Variants in UNC13A observed in about 807,000 individuals in gnomAD.
The protein encoded by UNC13A is unc-13 homolog A, also known as protein unc-13 homolog A.
Under a neutral mutation model 219.7 loss-of-function variants are expected in UNC13A, and 61 were observed. That is an observed-to-expected ratio of 0.28 (90% CI 0.23 to 0.34). UNC13A has a LOEUF of 0.34. Ranked by LOEUF, UNC13A falls within the 10% of genes least tolerant of loss-of-function variation. The pLI is 1.00. For missense variants in UNC13A, 1,476 were observed against 2,270.3 expected (o/e 0.65, Z 7.11); for synonymous variants, 920 against 884.6 (o/e 1.04, Z -0.71).
chr19:17,616,995 GAGAA>G (rs1173907426), intron 41 of UNC13A, among the ~76,000 whole-genome samples: 2 of 152,276 alleles, frequency 1.3e-5, no homozygotes, highest in South Asian at 2.1e-4. Flanking sequence ...AAAATACAGA[GAGAA>G]AGAGAGAGTT....
rs1265907043 is a variant in UNC13A at position 17,677,357 on chromosome 19, CTTTTTTTTTTTCT to C, written c.23-1329_23-1317del. Among the ~76,000 whole-genome samples, 477 of 66,994 alleles carry C rather than the reference CTTTTTTTTTTTCT, an allele frequency of 7.1e-3. 2 individuals carry two copies. The highest frequency in any genetic ancestry group is 0.055 in the African/African-American group (463 of 8,364). The allele number at this position is 66,994 out of a possible 152,430, so 44.0% of individuals were successfully genotyped here. ...TCCCTCCCTTTCCTTTCTTTCTTTT[CTTTTTTTTTTTCT>C]TTTTTTTTTTAGGGACGGAGTCTTG... On this transcript the variant is annotated intron_variant, in intron 1 of 43. Transcript: ENST00000519716.
intron 1 of UNC13A, among the ~76,000 whole-genome samples, chr19:17,685,781 A>T (rs2145939420): frequency 6.6e-6 from 1 of 152,270 alleles, no homozygotes; most frequent in South Asian, 2.1e-4. Flanking sequence ...TCTGGGTATG[A>T]ATGTGTGTAG....
intron 39 of UNC13A, 45 bp downstream of exon 39, chr19:17,618,860 GT>G (rs1447262381): frequency 6.3e-6 from 10 of 1,586,958 alleles, no homozygotes; most frequent in Non-Finnish European, 7.7e-6. Flanking sequence ...AGCCACATGA[GT>G]TTGGGGGGCA....
intron 7 of UNC13A, among the ~76,000 whole-genome samples, chr19:17,663,788 TTTTTC>T (rs146038446): frequency 0.026 from 3,959 of 152,128 alleles, 241 homozygotes; most frequent in East Asian, 0.24. Context: ...TTTGTTTATT[TTTTTC>T]TTTTCTTTAA....
chr19:17,665,314 G>T (rs2079621401), intron 7 of UNC13A, among the ~76,000 whole-genome samples: 1 of 152,144 alleles, frequency 6.6e-6, no homozygotes, highest in Non-Finnish European at 1.5e-5. Flanking sequence ...GAGGCTATAT[G>T]ATTTGCTACT....
chr19:17,617,419 C>G (rs2076678057), intron 41 of UNC13A, among the ~76,000 whole-genome samples: 1 of 152,156 alleles, frequency 6.6e-6, no homozygotes, highest in South Asian at 2.1e-4. Context: ...CTACCCTGGT[C>G]CTTGATGTCA....
At chr19:17,663,042 G>A (rs1048757782) in intron 8 of UNC13A, among the ~76,000 whole-genome samples, 19 of 152,058 alleles carry the variant, frequency 1.2e-4, no homozygotes, top group African/African-American at 4.6e-4. Flanking sequence ...TGGACCTGGG[G>A]GGTGCTGAGG....
At chr19:17,641,164 G>A (rs1285134086) in intron 21 of UNC13A, among the ~76,000 whole-genome samples, 3 of 152,118 alleles carry the variant, frequency 2.0e-5, no homozygotes, top group African/African-American at 7.2e-5. Context: ...ACAGGCTTGA[G>A]CCACTGTGCC....
chr19:17,624,793 G>T, intron 35 of UNC13A, 36 bp downstream of exon 35: 1 of 1,593,402 alleles, frequency 6.3e-7, no homozygotes, highest in Non-Finnish European at 8.6e-7. Context: ...CAGGGAGGTG[G>T]CCTAAATGTC....
chr19:17,659,629 C>A (rs1023491638), intron 8 of UNC13A, among the ~76,000 whole-genome samples: 1 of 151,686 alleles, frequency 6.6e-6, no homozygotes. Context: ...ATTAGCTGGG[C>A]GTGGTGGTGG....
chr19:17,660,563 G>A (rs866609679), intron 8 of UNC13A, among the ~76,000 whole-genome samples: 87 of 141,804 alleles, frequency 6.1e-4, no homozygotes, highest in African/African-American at 1.8e-3. Context: ...ACAGAGTCTC[G>A]CTCTGTCACC....
chr19:17,670,136 C>T (rs369952141), intron 4 of UNC13A, among the ~76,000 whole-genome samples: 9 of 151,824 alleles, frequency 5.9e-5, no homozygotes, highest in East Asian at 2.0e-4. Context: ...TTAGTAGAGA[C>T]GGGGTTTCAC....
chr19:17,624,931 G>T lies in UNC13A; in HGVS notation c.4095C>A (p.Ile1365=). 1 of 1,613,676 alleles carries T rather than the reference G, an allele frequency of 6.2e-7. No individual in the cohort carries two copies. Among genetic ancestry groups the T allele is most frequent in the Non-Finnish European group, 8.5e-7 (1 of 1,179,626 alleles). ...LDSNLTLFAK[I]CEKTVLKRVL... ...CTCGCTTCAGCACAGTCTTCTCACA[G>T]ATTTTGGCAAAGAGGGTCAGGCTGG... Residue 1365 remains isoleucine, a synonymous_variant, in exon 35 of 44, where the codon ATC becomes ATA. Coordinates refer to ENST00000519716, the MANE Select transcript of UNC13A (RefSeq NM_001080421.3).
intron 10 of UNC13A, 133 bp from the exon 11 acceptor site, chr19:17,655,515 G>A (rs1328804364): frequency 1.0e-5 from 8 of 773,568 alleles, no homozygotes; most frequent in Non-Finnish European, 1.2e-5. Context: ...TAGGACCCAC[G>A]TGAGTCCCCT....
At position 17,628,773 on chromosome 19, in the gene UNC13A, C is replaced by T. The variant is rs532928633; in HGVS notation, c.3753+467G>A. Among the ~76,000 whole-genome samples, 61 of 152,136 alleles carry T rather than the reference C, an allele frequency of 4.0e-4. 1 individual carries two copies. In the South Asian group the frequency reaches 0.013, roughly 32 times the overall value. ...ACACATTCATGTTATACCCAGTTAA[C>T]ACAGCCAGACGAAACACAATCACAC... On this transcript the variant is annotated intron_variant, in intron 31 of 43. Coordinates refer to ENST00000519716, the MANE Select transcript of UNC13A (RefSeq NM_001080421.3).
At chr19:17,642,625 TGA>T (rs1420048465) in intron 20 of UNC13A, among the ~76,000 whole-genome samples, 2 of 152,150 alleles carry the variant, frequency 1.3e-5, no homozygotes, top group African/African-American at 4.8e-5. Context: ...TGATGAGTAG[TGA>T]GAGTCAACCT....
rs2076528001 is a variant in UNC13A at position 17,606,291 on chromosome 19, G to A, written c.4875C>T (p.Cys1625=). The change falls in exon 44 of 44, where the codon TGC becomes TGT. Residue 1625 remains cysteine (C), a synonymous_variant. Coordinates refer to ENST00000519716, the MANE Select transcript of UNC13A (RefSeq NM_001080421.3). ...YELQVCVKDY[C]FAREDRTVGL... is the part of the protein sequence containing the mutation. ...CCACCGTGCGGTCCTCGCGCGCGAAGCAGTAGTCCTTGACGCACACCTGCA... is the reference window on the plus strand; with the variant it reads ...CCACCGTGCGGTCCTCGCGCGCGAAACAGTAGTCCTTGACGCACACCTGCA... The A allele has an allele frequency of 2.6e-6, 4 of 1,549,614 alleles. No homozygotes were observed. The highest frequency in any genetic ancestry group is 3.5e-6 in the Non-Finnish European group (4 of 1,147,358).
intron 11 of UNC13A, among the ~76,000 whole-genome samples, chr19:17,654,865 T>C (rs1029555957): frequency 6.6e-6 from 1 of 152,124 alleles, no homozygotes. Context: ...CTCCTCCCTC[T>C]AGATCTAGAA....
At chr19:17,670,569 G>T (rs2079766349) in intron 4 of UNC13A, among the ~76,000 whole-genome samples, 1 of 151,632 alleles carries the variant, frequency 6.6e-6, no homozygotes, top group Non-Finnish European at 1.5e-5. Flanking sequence ...TACCTAGATT[G>T]TTGCAACCAT....
Sources: allele counts gnomAD v4.1 joint callset (sites outside exome capture counted in the v4.1 genomes callset), GRCh38; gene constraint gnomAD v4.1.1; transcripts MANE v1.5; gene names NCBI Gene and HGNC (gene_info 2026-07-23, HGNC 2026-07-21).